The following SLC7A11 variants were observed in gnomAD, a reference collection of about 807,000 sequenced individuals.
SLC7A11 encodes the protein solute carrier family 7 member 11, also known as cystine/glutamate transporter.
In SLC7A11, 35 loss-of-function variants were observed where a neutral mutation model predicts 54.5. That is an observed-to-expected ratio of 0.64 (90% CI 0.49 to 0.85). SLC7A11 has a LOEUF of 0.85. SLC7A11 is among the 40% of genes least tolerant of loss of function. SLC7A11 has a pLI of 0.00. For missense variants in SLC7A11, 583 were observed against 618.1 expected (o/e 0.94, Z 0.60); for synonymous variants, 230 against 225.2 (o/e 1.02, Z -0.19).
intron 11 of SLC7A11, 32 bp from the exon 12 acceptor site, chr4:138,172,049 A>G: frequency 6.4e-7 from 1 of 1,567,970 alleles, no homozygotes; most frequent in East Asian, 2.3e-5. Context: ...TTAAAAATGC[A>G]TGGAAATCAG....
intron 11 of SLC7A11, chr4:138,176,243 C>G (rs1397608420): frequency 6.6e-6 from 1 of 152,108 alleles, no homozygotes; most frequent in African/African-American, 2.4e-5. Context: ...TTGCTTTTTG[C>G]TACTCACTTT....
At chr4:138,193,187 A>C (rs925412630) in intron 6 of SLC7A11, among the ~76,000 whole-genome samples, 1 of 152,168 alleles carries the variant, frequency 6.6e-6, no homozygotes, top group African/African-American at 2.4e-5. Flanking sequence ...AATTGCCTCC[A>C]ACATTTCTGA....
chr4:138,192,625 T>G (rs1737038441), intron 6 of SLC7A11, among the ~76,000 whole-genome samples: 1 of 152,134 alleles, frequency 6.6e-6, no homozygotes, highest in Non-Finnish European at 1.5e-5. Flanking sequence ...AGACTTAAAG[T>G]GGGTCCTCAT....
At chr4:138,219,737 GT>G (rs909653346) in intron 4 of SLC7A11, among the ~76,000 whole-genome samples, 10 of 152,192 alleles carry the variant, frequency 6.6e-5, no homozygotes, top group African/African-American at 2.4e-4. Context: ...AAAAGATAAT[GT>G]TTTGCTTGGC....
chr4:138,231,300 G>A lies in SLC7A11; in HGVS notation c.520+967C>T, dbSNP rs77700952. ...CTCCACCACTACGCAATATATCCAC[G>A]TAACACAACTGCACTGTACCCCCTA... On this transcript the variant is annotated intron_variant, in intron 3 of 11. Transcript: ENST00000280612. Among the ~76,000 whole-genome samples the A allele has an allele frequency of 9.7e-3, 1,481 of 151,980 alleles. 38 individuals are homozygous for A. The highest frequency in any genetic ancestry group is 0.034 in the African/African-American group (1,392 of 41,482).
At chr4:138,203,646 CAG>C (rs1379134135) in intron 6 of SLC7A11, among the ~76,000 whole-genome samples, 1 of 152,010 alleles carries the variant, frequency 6.6e-6, no homozygotes, top group Non-Finnish European at 1.5e-5. Context: ...AGGCAATTAA[CAG>C]AGTTACTTGC....
In SLC7A11 at chr4:138,203,821, AAC is replaced by A. The variant is rs573043930; in HGVS notation, c.791+10762_791+10763del. On this transcript the variant is annotated intron_variant, in intron 6 of 11. Transcript: ENST00000280612. The stretch of plus-strand genomic sequence containing the variant: ...TGCTTCCCATAGATTCAAAACTTGC[AAC>A]AGTTTTCCCACCCTCCATCCCACCA... Among the ~76,000 whole-genome samples the A allele has an allele frequency of 2.3e-3, 348 of 152,216 alleles. 2 individuals are homozygous for A. The highest frequency in any genetic ancestry group is 8.1e-3 in the African/African-American group (337 of 41,542).
At chr4:138,208,098 T>C (rs1207330847) in intron 6 of SLC7A11, among the ~76,000 whole-genome samples, 1 of 152,126 alleles carries the variant, frequency 6.6e-6, no homozygotes, top group Admixed American at 6.6e-5. Flanking sequence ...CTTCGAGGTT[T>C]TCATTGGTAC....
chr4:138,214,643 A>G lies in SLC7A11; in HGVS notation c.747-14T>C. On this transcript the variant is annotated splice_polypyrimidine_tract_variant and intron_variant, in intron 5 of 11. Transcript: ENST00000280612. ...TTGAGGTAAAACCTAAAAATAGATA[A>G]ATAAATTATAAACTATTAATATATT... is the stretch of plus-strand genomic sequence containing the variant. 1 of 1,076,766 alleles carries G rather than the reference A, an allele frequency of 9.3e-7. No homozygotes were observed. Among genetic ancestry groups the G allele is most frequent in the Non-Finnish European group, 1.3e-6 (1 of 753,620 alleles). The allele number at this position is 1,076,766 out of a possible 1,614,324, so 66.7% of individuals were successfully genotyped here. A position where few individuals can be genotyped will look rare whatever the true frequency, so the allele number is the denominator to read the frequency against.
chr4:138,188,635 A>C (rs1007101685), intron 6 of SLC7A11, among the ~76,000 whole-genome samples: 2 of 152,188 alleles, frequency 1.3e-5, no homozygotes, highest in African/African-American at 4.8e-5. Flanking sequence ...TGCCTGAGCA[A>C]TCTTTCTGGA....
At chr4:138,214,448 G>T (rs1047643990) in intron 6 of SLC7A11, 137 bp downstream of exon 6, 8 of 404,674 alleles carry the variant, frequency 2.0e-5, no homozygotes, top group Non-Finnish European at 3.7e-5. Flanking sequence ...TCTTATCTAA[G>T]AGAATTATAG....
chr4:138,173,743 A>G (rs1227885824), intron 11 of SLC7A11, among the ~76,000 whole-genome samples: 2 of 152,022 alleles, frequency 1.3e-5, no homozygotes, highest in Non-Finnish European at 2.9e-5. Flanking sequence ...GGCCCAGCAC[A>G]GTCTCGGTAA....
At chr4:138,228,361 T>C (rs2203292) in intron 3 of SLC7A11, among the ~76,000 whole-genome samples, 50,137 of 151,860 alleles carry the variant, frequency 0.33, 9,014 homozygotes, top group East Asian at 0.47. Context: ...GGGTCCAATT[T>C]CAGGAATACA....
chr4:138,230,724 T>C (rs1738057819), intron 3 of SLC7A11, among the ~76,000 whole-genome samples: 1 of 152,160 alleles, frequency 6.6e-6, no homozygotes, highest in Admixed American at 6.5e-5. Context: ...CAAACTCTAT[T>C]TCATTTTTAT....
intron 6 of SLC7A11, among the ~76,000 whole-genome samples, chr4:138,212,343 A>G (rs1162562627): frequency 2.0e-5 from 3 of 151,934 alleles, no homozygotes; most frequent in East Asian, 1.9e-4. Context: ...AATAAAGTAT[A>G]TAACAGTAAT....
chr4:138,233,724 T>G lies in SLC7A11; in HGVS notation c.405-1342A>C, dbSNP rs1045760719. On this transcript the variant is annotated intron_variant, in intron 2 of 11. Transcript: ENST00000280612. ...CTATTCTCCATCATTTATACAATTT[T>G]TTATGTATAATTTAAAATCTGATTA... Among the ~76,000 whole-genome samples the G allele has an allele frequency of 1.3e-4, 20 of 152,348 alleles. No individual in the cohort carries two copies. In the East Asian group the frequency reaches 1.3e-3, roughly 10 times the overall value.
chr4:138,186,431 C>T (rs1029211243), intron 6 of SLC7A11, among the ~76,000 whole-genome samples: 8 of 152,142 alleles, frequency 5.3e-5, no homozygotes, highest in South Asian at 2.1e-4. Context: ...TACCGAACAG[C>T]GATATCCCCT....
At chr4:138,203,083 TC>T (rs1252290943) in intron 6 of SLC7A11, among the ~76,000 whole-genome samples, 1 of 152,100 alleles carries the variant, frequency 6.6e-6, no homozygotes, top group Non-Finnish European at 1.5e-5. Context: ...ACTAAGGACT[TC>T]CTTTACCTTA....
Position 138,236,225 on chromosome 4 carries a change from T to C in SLC7A11, c.404+100A>G, listed in dbSNP as rs190373165. 7,020 of 907,862 alleles carry C rather than the reference T, an allele frequency of 7.7e-3. 33 individuals carry two copies. The highest frequency in any genetic ancestry group is 0.01 in the Non-Finnish European group (6,145 of 599,612). 56.2% of individuals were successfully genotyped at this position (907,862 alleles called of 1,614,324 possible). ...TGAGGTAGACATGTTTATCATGTAG[T>C]CACATGACATGCATGTGTCTAACCA... On this transcript the variant is annotated intron_variant, in intron 2 of 11. Coordinates refer to ENST00000280612, the MANE Select transcript of SLC7A11 (RefSeq NM_014331.4).
Sources: allele counts gnomAD v4.1 joint callset (sites outside exome capture counted in the v4.1 genomes callset), GRCh38; gene constraint gnomAD v4.1.1; transcripts MANE v1.5; gene names NCBI Gene and HGNC (gene_info 2026-07-23, HGNC 2026-07-21).